The following RIMBP2 variants were observed in gnomAD, a reference collection of about 807,000 sequenced individuals.
RIMBP2 encodes RIMS binding protein 2, also known as RIMS-binding protein 2.
In RIMBP2, 48 loss-of-function variants were observed where a neutral mutation model predicts 118.6. That is an observed-to-expected ratio of 0.40 (90% CI 0.32 to 0.51). RIMBP2 has a LOEUF of 0.51. RIMBP2 is among the 20% of genes least tolerant of loss of function. The pLI, the probability that RIMBP2 is intolerant of heterozygous loss-of-function variation, is 0.41. For missense variants in RIMBP2, 1,551 were observed against 1,768.3 expected (o/e 0.88, Z 2.20); for synonymous variants, 762 against 742.9 (o/e 1.03, Z -0.42).
intron 9 of RIMBP2, among the ~76,000 whole-genome samples, chr12:130,448,077 A>G (rs2078688335): frequency 6.6e-6 from 1 of 151,582 alleles, no homozygotes; most frequent in South Asian, 2.1e-4. Flanking sequence ...CCAGCACTAT[A>G]TGCCCCTCAC....
intron 4 of RIMBP2, among the ~76,000 whole-genome samples, chr12:130,503,218 C>G (rs534177204): frequency 2.1e-4 from 31 of 145,322 alleles, no homozygotes; most frequent in African/African-American, 7.7e-4. Context: ...AAAACCCTGT[C>G]TCCACTAAAA....
At chr12:130,433,755 G>A (rs867598103) in intron 14 of RIMBP2, among the ~76,000 whole-genome samples, 1 of 152,136 alleles carries the variant, frequency 6.6e-6, no homozygotes, top group Non-Finnish European at 1.5e-5. Flanking sequence ...TGGAGCTATG[G>A]CAGCCACTTT....
intron 2 of RIMBP2, among the ~76,000 whole-genome samples, chr12:130,544,018 T>C (rs2054859887): frequency 6.6e-6 from 1 of 152,228 alleles, no homozygotes; most frequent in Non-Finnish European, 1.5e-5. Context: ...CTCATCTTGG[T>C]TTCTGGGAGA....
At chr12:130,612,473 G>A (rs919594884) in intron 2 of RIMBP2, among the ~76,000 whole-genome samples, 1 of 152,176 alleles carries the variant, frequency 6.6e-6, no homozygotes, top group Non-Finnish European at 1.5e-5. Context: ...CTGGCTGCTG[G>A]GTTAATGAAA....
Position 130,621,002 on chromosome 12 carries a change from A to G in RIMBP2, c.-217+7320T>C, listed in dbSNP as rs549271610. 1.3e-5 allele frequency among the ~76,000 whole-genome samples: 2 copies of G among 152,238 alleles called. No homozygotes were observed. Among genetic ancestry groups the G allele is most frequent in the South Asian group, 4.1e-4 (2 of 4,824 alleles). ...TACATTAGCCATGGGCGGGCGAGCA[A>G]CCTGCCTTGAGATCTGGCTGAATGG... On this transcript the variant is annotated intron_variant, in intron 2 of 22. Transcript: ENST00000690449. This position sits in a 1 kb window ranked among gnomAD's most constrained non-coding sequence, Gnocchi z 6.6.
intron 1 of RIMBP2, among the ~76,000 whole-genome samples, chr12:130,631,376 G>A (rs1470547335): frequency 3.3e-5 from 5 of 152,140 alleles, no homozygotes; most frequent in African/African-American, 1.2e-4. Flanking sequence ...CTGGGGGAGG[G>A]AAACTAAGAT....
At chr12:130,595,950 C>A (rs1566332103) in intron 2 of RIMBP2, among the ~76,000 whole-genome samples, 1 of 152,198 alleles carries the variant, frequency 6.6e-6, no homozygotes, top group East Asian at 1.9e-4. Context: ...GCACTGATAC[C>A]ATGATACCTC....
intron 1 of RIMBP2, among the ~76,000 whole-genome samples, chr12:130,650,764 G>A (rs2063196010): frequency 6.6e-6 from 1 of 152,070 alleles, no homozygotes. Context: ...TTGTTTTCTG[G>A]GGGGCAAAGT....
At chr12:130,713,189 A>AAG (rs1950045942) in intron 1 of RIMBP2, among the ~76,000 whole-genome samples, 2 of 110,938 alleles carry the variant, frequency 1.8e-5, no homozygotes, top group East Asian at 3.4e-4. Flanking sequence ...AAGGAAGGAA[A>AAG]GAAGGAAGGA....
At chr12:130,560,835 G>T (rs1347673852) in intron 2 of RIMBP2, among the ~76,000 whole-genome samples, 1 of 152,162 alleles carries the variant, frequency 6.6e-6, no homozygotes, top group Non-Finnish European at 1.5e-5. Flanking sequence ...AGTATTAAGG[G>T]CTGAGTTGTG....
rs2078570307 is a variant in RIMBP2 at position 130,446,943 on chromosome 12, A to G, written c.582-1674T>C. On this transcript the variant is annotated intron_variant, in intron 9 of 22. Transcript: ENST00000690449. This position sits in a 1 kb window ranked among gnomAD's most constrained non-coding sequence, Gnocchi z 4.1. Reference sequence around the variant, plus strand: ...GGATGAGGGACTGAGGTGCAGGAGGACCCTCGGCTTTCTGGCCTCAGGGTG... The same window carrying G: ...GGATGAGGGACTGAGGTGCAGGAGGGCCCTCGGCTTTCTGGCCTCAGGGTG... Among the ~76,000 whole-genome samples the G allele has an allele frequency of 7.0e-6, 1 of 143,724 alleles. No individual in the cohort carries two copies. Among genetic ancestry groups the G allele is most frequent in the Non-Finnish European group, 1.5e-5 (1 of 67,010 alleles). 94.3% of individuals were successfully genotyped at this position (143,724 alleles called of 152,430 possible).
chr12:130,551,521 A>G (rs2055780349), intron 2 of RIMBP2, among the ~76,000 whole-genome samples: 1 of 151,328 alleles, frequency 6.6e-6, no homozygotes, highest in African/African-American at 2.4e-5. Context: ...GCAAATCATG[A>G]TAATTTTCTT....
intron 2 of RIMBP2, among the ~76,000 whole-genome samples, chr12:130,603,429 C>A (rs1048979757): frequency 6.6e-6 from 1 of 152,152 alleles, no homozygotes; most frequent in African/African-American, 2.4e-5. Flanking sequence ...GGAAACAACC[C>A]AATAGAGAAA....
chr12:130,614,990 G>A (rs2060810286), intron 2 of RIMBP2, among the ~76,000 whole-genome samples: 1 of 149,176 alleles, frequency 6.7e-6, no homozygotes, highest in Non-Finnish European at 1.5e-5. Flanking sequence ...AAATAGGACA[G>A]CTTGGACAGC....
rs1216305873 is a variant in RIMBP2, at chr12:130,424,602, C to G, written c.2669G>C (p.Gly890Ala). 1 of 1,231,958 alleles carries G rather than the reference C, an allele frequency of 8.1e-7. No individual in the cohort carries two copies. The highest frequency in any genetic ancestry group is 4.1e-5 in the South Asian group (1 of 24,318). The allele number at this position is 1,231,958 out of a possible 1,614,324, so 76.3% of individuals were successfully genotyped here. ...CTCCACGTGGGGGACGGCCCCCGAG[C>G]CCCTGTGCTTCACCGGGAACCAGGA... Reference protein sequence around the residue: ...RGSWFPVKHRGSGAVPHVEDF... With the variant: ...RGSWFPVKHRASGAVPHVEDF... The change falls in exon 16 of 23, where the codon GGC becomes GCC. Residue 890 changes from glycine (G) to alanine (A), a missense_variant. Gly to Ala is a moderately conservative substitution (Grantham distance 60). Coordinates refer to ENST00000690449, the MANE Select transcript of RIMBP2 (RefSeq NM_001393629.1). The surrounding 1 kb of genome is among the most constrained non-coding windows in gnomAD (Gnocchi z 9.8).
chr12:130,628,031 T>A (rs1323122243), intron 2 of RIMBP2, among the ~76,000 whole-genome samples: 2 of 152,232 alleles, frequency 1.3e-5, no homozygotes, highest in African/African-American at 4.8e-5. Context: ...AGGTCCTGAA[T>A]GAACTGCCCT....
At chr12:130,598,742 A>T (rs79041725) in intron 2 of RIMBP2, among the ~76,000 whole-genome samples, 1 of 151,608 alleles carries the variant, frequency 6.6e-6, no homozygotes, top group Non-Finnish European at 1.5e-5. Flanking sequence ...AAAAAAAAAA[A>T]TTGGAGAACA....
At chr12:130,413,207 C>A (rs11060870) in intron 18 of RIMBP2, among the ~76,000 whole-genome samples, 2 of 152,028 alleles carry the variant, frequency 1.3e-5, no homozygotes, top group African/African-American at 4.8e-5. Context: ...GCAGGCATTC[C>A]GACCGTTCTC....
At chr12:130,684,125 C>T (rs1269540971) in intron 1 of RIMBP2, among the ~76,000 whole-genome samples, 1 of 152,166 alleles carries the variant, frequency 6.6e-6, no homozygotes, top group Non-Finnish European at 1.5e-5. Context: ...CTCCACAACC[C>T]CTTATCTGAA....
Sources: allele counts gnomAD v4.1 joint callset (sites outside exome capture counted in the v4.1 genomes callset), GRCh38; gene constraint gnomAD v4.1.1; non-coding constraint Gnocchi (gnomAD v3.1); transcripts MANE v1.5; gene names NCBI Gene and HGNC (gene_info 2026-07-23, HGNC 2026-07-21).